The following CFAP46 variants were observed in gnomAD, a reference collection of about 807,000 sequenced individuals.
CFAP46 encodes the protein cilia- and flagella-associated protein 46.
In CFAP46, 245 loss-of-function variants were observed where a neutral mutation model predicts 325.7. That is an observed-to-expected ratio of 0.75 (90% CI 0.68 to 0.84). The LOEUF (loss-of-function observed/expected upper bound fraction) is 0.84, where lower values mean the gene tolerates loss of function less well. Among genes scored for constraint, CFAP46 ranks in the 40% least tolerant of loss-of-function variants. The pLI is 0.00. For missense variants in CFAP46, 3,346 were observed against 3,543.0 expected, an observed-to-expected ratio of 0.94 and a Z score of 1.41; for synonymous variants, 1,523 against 1,495.9, an observed-to-expected ratio of 1.02 and a Z score of -0.42.
rs1351524394 is a variant in CFAP46, at chr10:132,817,086, A to G, written c.7118-2172T>C. On this transcript the variant is annotated intron_variant, in intron 50 of 57. Transcript: ENST00000368586. This position sits in a 1 kb window ranked among gnomAD's most constrained non-coding sequence, Gnocchi z 4.4. ...TTGCTCTTTGTCTGGACCGTCAGTA[A>G]TCCAGGCGTGGTAAAATCTCCCAGC... Among the ~76,000 whole-genome samples, 1 of 152,188 alleles carries G rather than the reference A, an allele frequency of 6.6e-6. No individual in the cohort carries two copies. Among genetic ancestry groups the G allele is most frequent in the Non-Finnish European group, 1.5e-5 (1 of 68,038 alleles).
At chr10:132,878,330 G>A (rs1043344324) in intron 29 of CFAP46, among the ~76,000 whole-genome samples, 4 of 152,184 alleles carry the variant, frequency 2.6e-5, no homozygotes, top group Admixed American at 1.3e-4. Context: ...GGCTCCGCGG[G>A]TGTCCCTCAG....
At chr10:132,826,542 G>A (rs2134949324) in intron 50 of CFAP46, among the ~76,000 whole-genome samples, 1 of 141,334 alleles carries the variant, frequency 7.1e-6, no homozygotes, top group South Asian at 2.5e-4. Flanking sequence ...ACCAGCCACG[G>A]AGCCAGGCAG....
chr10:132,877,937 T>G lies in CFAP46; in HGVS notation c.4156A>C (p.Ser1386Arg), dbSNP rs1272258684. ...ERSKEKENERSKEKDKEKGKE... is the reference protein window; with the variant it reads ...ERSKEKENERRKEKDKEKGKE... The stretch of plus-strand genomic sequence containing the variant: ...CCCTTCTCCTTGTCCTTCTCTTTAC[T>G]CCTCTCATTCTCCTTCTCTTTACTC... The change falls in exon 30 of 58, where the codon AGT becomes CGT. Residue 1386 changes from serine to arginine, a missense_variant. Coordinates refer to ENST00000368586, the MANE Select transcript of CFAP46 (RefSeq NM_001200049.3). This position sits in a 1 kb window ranked among gnomAD's most constrained non-coding sequence, Gnocchi z 5.7. 6.5e-7 allele frequency: 1 copy of G among 1,550,150 alleles called. No individual in the cohort carries two copies. The highest frequency in any genetic ancestry group is 1.2e-5 in the South Asian group (1 of 84,036).
At chr10:132,863,181 C>T (rs890495531) in intron 35 of CFAP46, among the ~76,000 whole-genome samples, 13 of 152,048 alleles carry the variant, frequency 8.5e-5, no homozygotes, top group Non-Finnish European at 1.8e-4. Context: ...CTCAGGACCA[C>T]GGAGGCCCCG....
At position 132,867,226 on chromosome 10, in the gene CFAP46, C is replaced by T. The variant is rs1848827647; in HGVS notation, c.4743+149G>A. 1.7e-5 allele frequency: 14 copies of T among 821,174 alleles called. No individual in the cohort carries two copies. In the East Asian group the frequency reaches 3.5e-4, roughly 20 times the overall value. 50.9% of individuals were successfully genotyped at this position (821,174 alleles called of 1,614,324 possible). On this transcript the variant is annotated intron_variant, in intron 34 of 57. Transcript: ENST00000368586. ...ACACTGACACACACACAGGCCGGCC[C>T]CTCACACACTGACACACACCCAGGC... is the stretch of plus-strand genomic sequence containing the variant.
chr10:132,808,635 G>C lies in CFAP46; in HGVS notation c.7934C>G (p.Ala2645Gly). Residue 2645 changes from alanine to glycine, a missense_variant, in exon 58 of 58, where the codon GCA (alanine) becomes GGA (glycine). Transcript: ENST00000368586. This position sits in a 1 kb window ranked among gnomAD's most constrained non-coding sequence, Gnocchi z 6.8. ...TGGGGGAGGGTCCCTGGCTGAGGCT[G>C]CACCAAGGGCTGGGGAGAGGCCCAG... ...PFLGLSPALGAASARDPPPAT... is the reference protein window; with the variant it reads ...PFLGLSPALGGASARDPPPAT... 6.2e-7 allele frequency: 1 copy of C among 1,606,396 alleles called. No homozygotes were observed. Among genetic ancestry groups the C allele is most frequent in the Non-Finnish European group, 8.5e-7 (1 of 1,176,644 alleles).
chr10:132,922,066 G>A (rs1232449190), intron 13 of CFAP46, 38 bp downstream of exon 13: 2 of 1,536,794 alleles, frequency 1.3e-6, no homozygotes, highest in African/African-American at 2.8e-5. Flanking sequence ...TTCCAAGGTG[G>A]ACCGTTCTGG....
chr10:132,922,256 C>A, intron 12 of CFAP46, 32 bp from the exon 13 acceptor site: 1 of 1,538,108 alleles, frequency 6.5e-7, no homozygotes, highest in Non-Finnish European at 8.8e-7. Context: ...GAGCAAGGGG[C>A]CGCTGGACTT....
chr10:132,911,068 G>C (rs1312057626), intron 19 of CFAP46, among the ~76,000 whole-genome samples: 1 of 152,202 alleles, frequency 6.6e-6, no homozygotes, highest in African/African-American at 2.4e-5. Flanking sequence ...GCACCCCCCA[G>C]CTGCCTCCCA....
chr10:132,929,781 G>A lies in CFAP46; in HGVS notation c.890C>T (p.Ala297Val), dbSNP rs780416840. 2.0e-5 allele frequency: 32 copies of A among 1,609,002 alleles called. No homozygotes were observed. Among genetic ancestry groups the A allele is most frequent in the Non-Finnish European group, 2.5e-5 (29 of 1,176,454 alleles). ...GCATTTCAAGGTCAAGGAAAAACGC[G>A]CCAATTCAAAAAGCAAAAGCATTCT... ...EEKMLLLFEL[A>V]RFSLTLKCME... The change falls in exon 9 of 58, where the codon GCG (alanine) becomes GTG (valine). Residue 297 changes from alanine to valine, a missense_variant. By Grantham distance (64) the Ala-to-Val change is moderately conservative. Transcript: ENST00000368586.
In CFAP46 at chr10:132,919,227, G is replaced by A. The variant is rs960361042; in HGVS notation, c.1858+88C>T. On this transcript the variant is annotated intron_variant, in intron 15 of 57. Transcript: ENST00000368586. The surrounding 1 kb of genome is among the most constrained non-coding windows in gnomAD (Gnocchi z 9.7). Reference sequence around the variant, plus strand: ...CGCTTTCTCATGCGAAGGCCCCATGGGTTGTCATTGCACGAACCACAACCC... The same window carrying A: ...CGCTTTCTCATGCGAAGGCCCCATGAGTTGTCATTGCACGAACCACAACCC... 2 of 1,380,886 alleles carry A rather than the reference G, an allele frequency of 1.4e-6. No homozygotes were observed. The highest frequency in any genetic ancestry group is 9.7e-7 in the Non-Finnish European group (1 of 1,033,622). 85.5% of individuals were successfully genotyped at this position (1,380,886 alleles called of 1,614,324 possible).
chr10:132,907,597 C>T (rs922021490), intron 22 of CFAP46, among the ~76,000 whole-genome samples: 13 of 152,192 alleles, frequency 8.5e-5, no homozygotes, highest in African/African-American at 1.7e-4. Context: ...AGCTGTATGT[C>T]GTTAGAAATG....
rs926421903 is a variant in CFAP46 at position 132,886,472 on chromosome 10, A to T, written c.3305-513T>A. On this transcript the variant is annotated intron_variant, in intron 25 of 57. Coordinates refer to ENST00000368586, the MANE Select transcript of CFAP46 (RefSeq NM_001200049.3). This position sits in a 1 kb window ranked among gnomAD's most constrained non-coding sequence, Gnocchi z 5.8. ...AAAGGTGCCTGCCTTCAGGGCACAC[A>T]CAAAAATCGCCTGCCTGCCGGGAGG... is the stretch of plus-strand genomic sequence containing the variant. Among the ~76,000 whole-genome samples the T allele has an allele frequency of 1.2e-4, 19 of 152,178 alleles. No homozygotes were observed. The highest frequency in any genetic ancestry group is 4.6e-4 in the African/African-American group (19 of 41,448).
chr10:132,848,193 G>A (rs988624780), intron 41 of CFAP46, among the ~76,000 whole-genome samples: 9 of 152,276 alleles, frequency 5.9e-5, no homozygotes, highest in Middle Eastern at 3.4e-3. Flanking sequence ...AAATAGACCC[G>A]TGAGAAACAG....
intron 35 of CFAP46, among the ~76,000 whole-genome samples, chr10:132,862,986 C>G (rs1358263884): frequency 6.6e-6 from 1 of 152,112 alleles, no homozygotes. Flanking sequence ...ATCAAGGAAA[C>G]AAACAACTTC....
At chr10:132,923,072 G>A (rs1395641389) in intron 11 of CFAP46, among the ~76,000 whole-genome samples, 1 of 152,240 alleles carries the variant, frequency 6.6e-6, no homozygotes, top group Non-Finnish European at 1.5e-5. Flanking sequence ...GCAGGGCTGC[G>A]AAGGAGGCTA....
chr10:132,879,700 T>C lies in CFAP46; in HGVS notation c.3800-69A>G, dbSNP rs1849010523. 10 of 1,403,304 alleles carry C rather than the reference T, an allele frequency of 7.1e-6. No homozygotes were observed. The South Asian group carries it at 1.3e-4, about 19-fold the overall frequency. 86.9% of individuals were successfully genotyped at this position (1,403,304 alleles called of 1,614,324 possible). On this transcript the variant is annotated intron_variant, in intron 28 of 57. Transcript: ENST00000368586. Reference sequence around the variant, plus strand: ...GGTCTGTGGGCCCCAGGCCACTCCCTTCCCTGCCCGAGGCTGTGGTGGACT... The same window carrying C: ...GGTCTGTGGGCCCCAGGCCACTCCCCTCCCTGCCCGAGGCTGTGGTGGACT...
At chr10:132,897,937 C>T (rs974889816) in intron 24 of CFAP46, among the ~76,000 whole-genome samples, 7 of 152,212 alleles carry the variant, frequency 4.6e-5, no homozygotes, top group South Asian at 2.1e-4. Flanking sequence ...GAGGATCCAG[C>T]GCAGCGGCTT....
At chr10:132,849,150 G>A (rs759553270) in intron 41 of CFAP46, among the ~76,000 whole-genome samples, 1 of 152,168 alleles carries the variant, frequency 6.6e-6, no homozygotes, top group Non-Finnish European at 1.5e-5. Flanking sequence ...GCCCCTCCTC[G>A]CTGGAGCACC....
Sources: allele counts gnomAD v4.1 joint callset (sites outside exome capture counted in the v4.1 genomes callset), GRCh38; gene constraint gnomAD v4.1.1; non-coding constraint Gnocchi (gnomAD v3.1); transcripts MANE v1.5; gene names NCBI Gene and HGNC (gene_info 2026-07-23, HGNC 2026-07-21).